Variants in PTPRD observed in about 807,000 individuals in gnomAD.
The protein encoded by PTPRD is protein tyrosine phosphatase receptor type D.
PTPRD carries 34 observed loss-of-function variants against 214.5 expected under a neutral mutation model. That is an observed-to-expected ratio of 0.16 (90% CI 0.12 to 0.21). PTPRD has a LOEUF of 0.21. PTPRD is among the 10% of genes least tolerant of loss of function. The pLI is 1.00. For missense variants in PTPRD, 2,545 were observed against 2,398.7 expected (o/e 1.06, Z -1.27); for synonymous variants, 1,128 against 845.7 (o/e 1.33, Z -5.79).
chr9:9,327,342 T>A (rs1449048185), intron 9 of PTPRD, among the ~76,000 whole-genome samples: 1 of 152,224 alleles, frequency 6.6e-6, no homozygotes, highest in African/African-American at 2.4e-5. Context: ...GTATTAAATA[T>A]GCTTCCCATA....
At chr9:10,540,317 C>T (rs978320322) in intron 2 of PTPRD, among the ~76,000 whole-genome samples, 3 of 152,116 alleles carry the variant, frequency 2.0e-5, no homozygotes, top group South Asian at 2.1e-4. Flanking sequence ...CATGAGCCAC[C>T]GGACCCGGGC....
chr9:10,094,543 T>C (rs1340573070), intron 3 of PTPRD, among the ~76,000 whole-genome samples: 44 of 138,754 alleles, frequency 3.2e-4, no homozygotes, highest in African/African-American at 4.7e-4. Context: ...TTCTTTCTTT[T>C]TTTTTTTTTT....
At chr9:9,787,676 C>T (rs2098935281) in intron 5 of PTPRD, among the ~76,000 whole-genome samples, 1 of 151,834 alleles carries the variant, frequency 6.6e-6, no homozygotes, top group Non-Finnish European at 1.5e-5. Flanking sequence ...AATAATGCTA[C>T]TACAAAAGGT....
chr9:9,416,584 G>A (rs1397331753), intron 8 of PTPRD, among the ~76,000 whole-genome samples: 1 of 127,242 alleles, frequency 7.9e-6, no homozygotes, highest in Non-Finnish European at 1.9e-5. Context: ...CCTCTCTAAT[G>A]TTATTCCTTG....
chr9:8,542,590 C>T (rs910858203), intron 14 of PTPRD, among the ~76,000 whole-genome samples: 8 of 152,200 alleles, frequency 5.3e-5, no homozygotes, highest in African/African-American at 1.9e-4. Context: ...TTGAGGCACT[C>T]ATGAAACAGT....
intron 11 of PTPRD, among the ~76,000 whole-genome samples, chr9:8,758,616 C>A (rs1031259581): frequency 9.5e-4 from 144 of 152,166 alleles, no homozygotes; most frequent in African/African-American, 2.7e-3. Flanking sequence ...TCATACTTTA[C>A]AGTTTACAAA....
intron 7 of PTPRD, among the ~76,000 whole-genome samples, chr9:9,686,105 A>T (rs1334980649): frequency 6.6e-6 from 1 of 151,340 alleles, no homozygotes; most frequent in Non-Finnish European, 1.5e-5. Context: ...TTGGAGAACT[A>T]GATGCTCTAT....
At chr9:10,034,715 G>C (rs530169679) in intron 3 of PTPRD, among the ~76,000 whole-genome samples, 3 of 151,906 alleles carry the variant, frequency 2.0e-5, no homozygotes, top group Non-Finnish European at 4.4e-5. Context: ...TAAGGATAAT[G>C]GTCTCCGGCT....
At chr9:10,100,091 G>A (rs2098537358) in intron 3 of PTPRD, among the ~76,000 whole-genome samples, 1 of 151,566 alleles carries the variant, frequency 6.6e-6, no homozygotes, top group African/African-American at 2.4e-5. Context: ...TCTTCCATAG[G>A]ATATGTTTTG....
chr9:8,511,046 A>G (rs1194753311), intron 21 of PTPRD, among the ~76,000 whole-genome samples: 1 of 152,020 alleles, frequency 6.6e-6, no homozygotes, highest in Non-Finnish European at 1.5e-5. Context: ...GTATAAACGT[A>G]AATATTTACC....
intron 8 of PTPRD, among the ~76,000 whole-genome samples, chr9:9,436,037 TC>T (rs1299991566): frequency 6.6e-6 from 1 of 152,156 alleles, no homozygotes; most frequent in Non-Finnish European, 1.5e-5. Flanking sequence ...CACCTCTACT[TC>T]TGCTCTGACT....
intron 39 of PTPRD, among the ~76,000 whole-genome samples, chr9:8,353,651 C>G (rs989886568): frequency 2.0e-5 from 3 of 151,672 alleles, no homozygotes; most frequent in African/African-American, 4.8e-5. Context: ...CCAGGCTGGT[C>G]TCGAACTCCT....
At chr9:10,048,852 A>C (rs1448321205) in intron 3 of PTPRD, among the ~76,000 whole-genome samples, 3 of 151,952 alleles carry the variant, frequency 2.0e-5, no homozygotes, top group African/African-American at 7.2e-5. Context: ...AAACTCCCCA[A>C]AGATATCTGA....
At chr9:9,036,242 A>T (rs1026541402) in intron 10 of PTPRD, among the ~76,000 whole-genome samples, 10 of 151,474 alleles carry the variant, frequency 6.6e-5, no homozygotes, top group Admixed American at 5.3e-4. Flanking sequence ...GGTTGTATGG[A>T]AACTAGGGAT....
At chr9:10,258,157 C>A (rs2093425531) in intron 3 of PTPRD, among the ~76,000 whole-genome samples, 2 of 152,192 alleles carry the variant, frequency 1.3e-5, no homozygotes, top group Admixed American at 6.5e-5. Flanking sequence ...GATATCCTTT[C>A]TCGTCTAAAC....
At chr9:9,291,250 C>A (rs1951047112) in intron 9 of PTPRD, among the ~76,000 whole-genome samples, 1 of 151,404 alleles carries the variant, frequency 6.6e-6, no homozygotes, top group Admixed American at 6.6e-5. Flanking sequence ...CATACAGTAT[C>A]AGCCTTTAGA....
At chr9:10,582,341 G>A (rs1186047589) in intron 2 of PTPRD, among the ~76,000 whole-genome samples, 1 of 152,064 alleles carries the variant, frequency 6.6e-6, no homozygotes, top group African/African-American at 2.4e-5. Context: ...TATACTGTTG[G>A]TATTCTTTCC....
Position 8,465,579 on chromosome 9 carries a change from T to A in PTPRD, c.3601A>T (p.Thr1201Ser). The A allele has an allele frequency of 6.2e-7, 1 of 1,612,546 alleles. No individual in the cohort carries two copies. Among genetic ancestry groups the A allele is most frequent in the Non-Finnish European group, 8.5e-7 (1 of 1,179,062 alleles). ...TTGTCATCCCCCAGGGTGAACTCAG[T>A]GGGAAGGACATCAAAGTGAGCGGCA... ...YIAAHFDVLP[T>S]EFTLGDDKHY... Residue 1201 changes from threonine to serine, a missense_variant, in exon 32 of 46, where the codon ACT (threonine) becomes TCT (serine). Physicochemically the swap from Thr to Ser is moderately conservative, Grantham distance 58. Transcript: ENST00000381196.
chr9:10,380,318 G>T lies in PTPRD; in HGVS notation c.-599-39301C>A, dbSNP rs890481827. Among the ~76,000 whole-genome samples the T allele has an allele frequency of 1.3e-5, 2 of 152,064 alleles. 1 individual carries two copies. The highest frequency in any genetic ancestry group is 3.9e-4 in the East Asian group (2 of 5,166). ...TGTTCTTTGGAAATCAATGACCCAT[G>T]AGAGCAAACCATGTACAATGCATTA... is the stretch of plus-strand genomic sequence containing the variant. On this transcript the variant is annotated intron_variant, in intron 2 of 45. Transcript: ENST00000381196.
Sources: allele counts gnomAD v4.1 joint callset (sites outside exome capture counted in the v4.1 genomes callset), GRCh38; gene constraint gnomAD v4.1.1; transcripts MANE v1.5; gene names NCBI Gene and HGNC (gene_info 2026-07-23, HGNC 2026-07-21).